The following GPM6A variants were observed in gnomAD, a reference collection of about 807,000 sequenced individuals.
GPM6A encodes glycoprotein M6A.
Under a neutral mutation model 32.1 loss-of-function variants are expected in GPM6A, and 7 were observed. The observed-to-expected ratio is 0.22, with a 90% CI of 0.12 to 0.41. The LOEUF is 0.41. GPM6A is among the 10% of genes least tolerant of loss of function. The pLI is 1.00. For missense variants in GPM6A, 235 were observed against 347.2 expected, an observed-to-expected ratio of 0.68 and a Z score of 2.57; for synonymous variants, 130 against 123.4, an observed-to-expected ratio of 1.05 and a Z score of -0.35.
intron 1 of GPM6A, among the ~76,000 whole-genome samples, chr4:175,841,176 ATGAG>A (rs1483326308): frequency 1.3e-5 from 2 of 152,242 alleles, no homozygotes; most frequent in Non-Finnish European, 2.9e-5. Flanking sequence ...GATAAGCAAC[ATGAG>A]TAAGTTACAT....
In GPM6A at chr4:175,695,284, C is replaced by G. The variant is rs528116357; in HGVS notation, c.230+6291G>C. On this transcript the variant is annotated intron_variant, in intron 2 of 6. Coordinates refer to ENST00000393658, the MANE Select transcript of GPM6A (RefSeq NM_201591.3). Reference sequence around the variant, plus strand: ...AGAGCTGTGAAAGAGGGCTACCATCCTCTAGACCCCAGAATGGTAGATCCA... The same window carrying G: ...AGAGCTGTGAAAGAGGGCTACCATCGTCTAGACCCCAGAATGGTAGATCCA... Among the ~76,000 whole-genome samples, 417 of 152,296 alleles carry G rather than the reference C, an allele frequency of 2.7e-3. 3 individuals are homozygous for G. The highest frequency in any genetic ancestry group is 9.8e-3 in the African/African-American group (406 of 41,564).
intron 3 of GPM6A, among the ~76,000 whole-genome samples, chr4:175,667,231 C>G (rs1742799377): frequency 6.6e-6 from 1 of 151,996 alleles, no homozygotes; most frequent in Admixed American, 6.6e-5. Flanking sequence ...TTTTCTTTTT[C>G]AGTAAAAGTA....
rs561344679 is a variant in GPM6A at position 175,882,595 on chromosome 4, T to C, written c.-22-70346A>G. ...CCCTTTATTTATTTTATCCTATTTT[T>C]CAAGTCAGATGTTTTACCTTACTTT... On this transcript the variant is annotated intron_variant, in intron 1 of 7. Transcript: ENST00000280187. Among the ~76,000 whole-genome samples the C allele has an allele frequency of 1.2e-4, 19 of 152,122 alleles. No homozygotes were observed. In the East Asian group the frequency reaches 3.5e-3, roughly 28 times the overall value.
chr4:175,699,733 T>A (rs1744771559), intron 2 of GPM6A, among the ~76,000 whole-genome samples: 1 of 152,124 alleles, frequency 6.6e-6, no homozygotes. Flanking sequence ...TCTCTAGGTT[T>A]TAAGTATCAA....
chr4:175,916,200 C>T (rs1738488359), intron 1 of GPM6A, among the ~76,000 whole-genome samples: 1 of 152,176 alleles, frequency 6.6e-6, no homozygotes, highest in African/African-American at 2.4e-5. Flanking sequence ...TCCCGCATGC[C>T]ACTTCTTCCC....
chr4:175,893,036 T>C (rs1291231182), intron 1 of GPM6A, among the ~76,000 whole-genome samples: 3 of 152,240 alleles, frequency 2.0e-5, no homozygotes, highest in East Asian at 3.9e-4. Flanking sequence ...TCTAAGCTTT[T>C]ATTCTTCCAT....
intron 1 of GPM6A, among the ~76,000 whole-genome samples, chr4:175,834,601 A>G (rs1405252577): frequency 3.3e-5 from 5 of 152,110 alleles, no homozygotes; most frequent in African/African-American, 7.2e-5. Context: ...GGATTAAACT[A>G]TCAGCATTCT....
intron 1 of GPM6A, among the ~76,000 whole-genome samples, chr4:175,890,325 T>C (rs1457684933): frequency 6.6e-6 from 1 of 152,080 alleles, no homozygotes; most frequent in Non-Finnish European, 1.5e-5. Context: ...ACTCCATATG[T>C]ATGTACGAAA....
intron 4 of GPM6A, among the ~76,000 whole-genome samples, chr4:175,645,029 G>A (rs1388014378): frequency 1.3e-5 from 2 of 152,128 alleles, no homozygotes; most frequent in Admixed American, 1.3e-4. Flanking sequence ...GAACCCGGGA[G>A]GTGGATGTTG....
intron 1 of GPM6A, among the ~76,000 whole-genome samples, chr4:175,950,782 A>G (rs1739781812): frequency 2.0e-5 from 3 of 152,160 alleles, no homozygotes; most frequent in African/African-American, 7.2e-5. Flanking sequence ...AAATGTCATG[A>G]TATTTCTTGT....
intron 1 of GPM6A, among the ~76,000 whole-genome samples, chr4:175,835,655 G>A (rs1260175746): frequency 2.2e-5 from 3 of 137,926 alleles, no homozygotes; most frequent in Admixed American, 7.5e-5. Context: ...ATATATGCTT[G>A]TATGTTTGTG....
At chr4:175,849,528 G>A (rs1368748814) in intron 1 of GPM6A, among the ~76,000 whole-genome samples, 1 of 152,148 alleles carries the variant, frequency 6.6e-6, no homozygotes, top group African/African-American at 2.4e-5. Context: ...ACAAAGATAT[G>A]GGAGTTAATT....
At chr4:175,840,755 G>A (rs1175528359) in intron 1 of GPM6A, among the ~76,000 whole-genome samples, 3 of 152,062 alleles carry the variant, frequency 2.0e-5, no homozygotes, top group Admixed American at 2.0e-4. Flanking sequence ...AGAGAAAAGT[G>A]TTAATGATAA....
At chr4:175,640,690 A>C (rs1741090044) in intron 5 of GPM6A, 63 bp downstream of exon 5, 5 of 1,093,156 alleles carry the variant, frequency 4.6e-6, no homozygotes, top group African/African-American at 3.2e-5. Context: ...TTAATACATT[A>C]TCCAAATAAT....
chr4:175,800,735 A>G (rs558123587), intron 1 of GPM6A: 2 of 193,966 alleles, frequency 1.0e-5, no homozygotes, highest in South Asian at 7.0e-5. Flanking sequence ...GTTACATTCA[A>G]TACTGAAATG....
At chr4:175,893,465 G>A (rs2111479601) in intron 1 of GPM6A, among the ~76,000 whole-genome samples, 1 of 152,144 alleles carries the variant, frequency 6.6e-6, no homozygotes, top group East Asian at 1.9e-4. Flanking sequence ...AAAATCCTAA[G>A]TTAAACACTT....
chr4:175,878,617 G>A (rs1302001896), intron 1 of GPM6A, among the ~76,000 whole-genome samples: 1 of 152,072 alleles, frequency 6.6e-6, no homozygotes, highest in Non-Finnish European at 1.5e-5. Context: ...AAGGTCCTGG[G>A]CCTGGCTCAA....
chr4:175,710,956 A>G (rs1745494015), intron 1 of GPM6A, among the ~76,000 whole-genome samples: 2 of 152,144 alleles, frequency 1.3e-5, no homozygotes, highest in South Asian at 4.2e-4. Context: ...GTGAAGCCCA[A>G]GGAGACCAGG....
chr4:175,636,122 AT>A (rs1740570781), intron 6 of GPM6A, among the ~76,000 whole-genome samples: 2 of 151,686 alleles, frequency 1.3e-5, no homozygotes, highest in African/African-American at 4.8e-5. Context: ...ACCACTATAA[AT>A]AACCTATTTT....
Sources: allele counts gnomAD v4.1 joint callset (sites outside exome capture counted in the v4.1 genomes callset), GRCh38; gene constraint gnomAD v4.1.1; transcripts MANE v1.5; gene names NCBI Gene and HGNC (gene_info 2026-07-23, HGNC 2026-07-21).